OR13A1: variants seen among roughly 807,000 people sequenced by gnomAD.
OR13A1 encodes olfactory receptor 13A1.
A neutral mutation model predicts 7.5 loss-of-function variants in OR13A1; 10 were observed. The ratio of observed to expected loss-of-function variants is 1.34; its 90% CI spans 0.83 to 2.27. The LOEUF (loss-of-function observed/expected upper bound fraction) is 2.27, where lower values mean the gene tolerates loss of function less well. OR13A1 is among the 30% of genes most tolerant of loss of function. The pLI, the probability that OR13A1 is intolerant of heterozygous loss-of-function variation, is 0.00. For missense variants in OR13A1, 509 were observed against 419.1 expected (o/e 1.21, Z -1.87); for synonymous variants, 238 against 177.9 (o/e 1.34, Z -2.69).
intron 3 of OR13A1, among the ~76,000 whole-genome samples, chr10:45,306,071 T>G (rs1838322338): frequency 6.6e-6 from 1 of 152,128 alleles, no homozygotes; most frequent in Non-Finnish European, 1.5e-5. Flanking sequence ...ATGACTTATA[T>G]TCTTAAGTTA....
intron 1 of OR13A1, among the ~76,000 whole-genome samples, chr10:45,312,255 C>T (rs1036606941): frequency 2.0e-5 from 3 of 151,968 alleles, no homozygotes; most frequent in Non-Finnish European, 4.4e-5. Context: ...ACTTAATAAG[C>T]TCAATGAACC....
rs1396720543 is a variant in OR13A1 at position 45,303,736 on chromosome 10, G to A, written c.687C>T (p.Phe229=). The A allele has an allele frequency of 4.3e-6, 7 of 1,614,090 alleles. No homozygotes were observed. The highest frequency in any genetic ancestry group is 3.3e-5 in the Admixed American group (2 of 60,014). Residue 229 remains phenylalanine, a synonymous_variant, in exon 4 of 4, where the codon TTC becomes TTT. Coordinates refer to ENST00000553795, the MANE Select transcript of OR13A1 (RefSeq NM_001004297.3). ...LADAFYGIVN[F]LMTIASYGFI... The stretch of plus-strand genomic sequence containing the variant: ...AGCCATAGGACGCGATGGTCATCAG[G>A]AAGTTCACTATGCCGTAGAAAGCAT...
Position 45,303,988 on chromosome 10 carries a change from G to A in OR13A1, c.435C>T (p.Cys145=), listed in dbSNP as rs1299545078. ...TCATGCTGCTGTAATGCAGCGGGTG[G>A]CAGATGGCTGCGTACCGGTCATAGG... is the stretch of plus-strand genomic sequence containing the variant. ...VMAYDRYAAI[C]HPLHYSSMMS... The change falls in exon 4 of 4, where the codon TGC becomes TGT. Residue 145 remains cysteine, a synonymous_variant. Transcript: ENST00000553795. 7 of 1,612,498 alleles carry A rather than the reference G, an allele frequency of 4.3e-6. No individual in the cohort carries two copies. Among genetic ancestry groups the A allele is most frequent in the African/African-American group, 1.3e-5 (1 of 75,040 alleles).
rs1233759539 is a variant in OR13A1 at position 45,303,502 on chromosome 10, G to C, written c.921C>G (p.Ile307Met). 3.7e-6 allele frequency: 6 copies of C among 1,614,072 alleles called. No individual in the cohort carries two copies. Among genetic ancestry groups the C allele is most frequent in the Non-Finnish European group, 5.1e-6 (6 of 1,179,980 alleles). ...TVLSPTLNPL[I>M]YTLRNKEVKA... ...TGACCTCCTTGTTTCTCAAAGTATA[G>C]ATGAGGGGGTTGAGGGTAGGACTCA... The change falls in exon 4 of 4, where the codon ATC (isoleucine) becomes ATG (methionine). Residue 307 changes from isoleucine to methionine, a missense_variant. Transcript: ENST00000553795.
At chr10:45,307,226 G>A (rs1270181992) in intron 3 of OR13A1, among the ~76,000 whole-genome samples, 200 bp downstream of exon 3, 3 of 152,222 alleles carry the variant, frequency 2.0e-5, no homozygotes, top group Non-Finnish European at 4.4e-5. Flanking sequence ...AGTGTGCAGA[G>A]TCTGTCACGC....
intron 1 of OR13A1, among the ~76,000 whole-genome samples, chr10:45,310,404 A>G (rs1838420802): frequency 6.6e-6 from 1 of 152,172 alleles, no homozygotes; most frequent in African/African-American, 2.4e-5. Flanking sequence ...TCTTTACCAT[A>G]AAAGTTGCCA....
rs1323893038 is a variant in OR13A1 at position 45,304,417 on chromosome 10, C to A, written c.6G>T (p.Lys2Asn). The change falls in exon 4 of 4, where the codon AAG becomes AAT. Residue 2 changes from lysine (K) to asparagine (N), a missense_variant. Coordinates refer to ENST00000553795, the MANE Select transcript of OR13A1 (RefSeq NM_001004297.3). ...CTATCAGGTGACTCTCCATCCACAG[C>A]TTCATGTGATTTCAGAGCTAGAGAG... Reference protein sequence around the residue: MKLWMESHLIVP... With the variant: MNLWMESHLIVP... 3 of 1,610,984 alleles carry A rather than the reference C, an allele frequency of 1.9e-6. No homozygotes were observed. The highest frequency in any genetic ancestry group is 2.5e-6 in the Non-Finnish European group (3 of 1,178,592).
intron 1 of OR13A1, among the ~76,000 whole-genome samples, chr10:45,312,853 G>T (rs1257136854): frequency 6.6e-6 from 1 of 152,078 alleles, no homozygotes; most frequent in African/African-American, 2.4e-5. Flanking sequence ...GGAAAAATCA[G>T]CCTTTCCAGG....
intron 1 of OR13A1, among the ~76,000 whole-genome samples, chr10:45,311,320 T>C (rs902723926): frequency 3.3e-5 from 5 of 152,194 alleles, no homozygotes; most frequent in East Asian, 1.9e-4. Context: ...AGAAATACCA[T>C]TGTATCAGAG....
chr10:45,314,678 T>A (rs1325850086), intron 1 of OR13A1, among the ~76,000 whole-genome samples: 2 of 151,892 alleles, frequency 1.3e-5, no homozygotes, highest in East Asian at 1.9e-4. Context: ...TTAGCTAGAT[T>A]AACTAAGGAA....
At chr10:45,304,878 A>G (rs879355087) in intron 3 of OR13A1, among the ~76,000 whole-genome samples, 3 of 152,196 alleles carry the variant, frequency 2.0e-5, no homozygotes, top group Admixed American at 2.0e-4. Flanking sequence ...AAAACAATCT[A>G]TACCCTTAAA....
intron 1 of OR13A1, among the ~76,000 whole-genome samples, chr10:45,312,344 G>A (rs1838460562): frequency 6.6e-6 from 1 of 151,798 alleles, no homozygotes; most frequent in African/African-American, 2.4e-5. Flanking sequence ...CTTAAAAACA[G>A]GCAGAGTAAA....
At chr10:45,308,225 C>T (rs1394375944) in intron 1 of OR13A1, among the ~76,000 whole-genome samples, 1 of 152,190 alleles carries the variant, frequency 6.6e-6, no homozygotes, top group Non-Finnish European at 1.5e-5. Context: ...ATCTGAAAGA[C>T]ATTTTGAAGA....
chr10:45,304,565 GA>G, intron 3 of OR13A1, 131 bp from the exon 4 acceptor site: 1 of 728,466 alleles, frequency 1.4e-6, no homozygotes. Context: ...TATTACAGTA[GA>G]AAAAAGGCGT....
chr10:45,309,986 G>GA (rs759006161), intron 1 of OR13A1, among the ~76,000 whole-genome samples: 1 of 152,158 alleles, frequency 6.6e-6, no homozygotes, highest in Non-Finnish European at 1.5e-5. Flanking sequence ...GACTAAATAA[G>GA]ATGACGTACA....
At chr10:45,306,146 T>G (rs1307180638) in intron 3 of OR13A1, among the ~76,000 whole-genome samples, 1 of 152,208 alleles carries the variant, frequency 6.6e-6, no homozygotes, top group Non-Finnish European at 1.5e-5. Context: ...CCCTTTCAAC[T>G]CTTTATTCAT....
rs565581860 is a variant in OR13A1, at chr10:45,303,847, A to G, written c.576T>C (p.Ile192=). ...GAGGGACCTCGCAGAAGAAATGGATAATGACATTGGGGCCACAGAAATCCA... is the reference window on the plus strand; with the variant it reads ...GAGGGACCTCGCAGAAGAAATGGATGATGACATTGGGGCCACAGAAATCCA... ...LRLDFCGPNV[I]IHFFCEVPPL... Residue 192 remains isoleucine, a synonymous_variant, in exon 4 of 4, where the codon ATT becomes ATC. Transcript: ENST00000553795. The G allele has an allele frequency of 7.4e-6, 12 of 1,612,780 alleles. No homozygotes were observed. Among genetic ancestry groups the G allele is most frequent in the Admixed American group, 6.7e-5 (4 of 60,034 alleles).
chr10:45,314,779 C>T (rs1367376709), intron 1 of OR13A1, among the ~76,000 whole-genome samples: 1 of 152,104 alleles, frequency 6.6e-6, no homozygotes, highest in African/African-American at 2.4e-5. Context: ...ATACCATCAA[C>T]AGTTAATTAT....
intron 3 of OR13A1, among the ~76,000 whole-genome samples, chr10:45,306,732 AG>A (rs2133039626): frequency 6.6e-6 from 1 of 152,322 alleles, no homozygotes; most frequent in Non-Finnish European, 1.5e-5. Flanking sequence ...CAGAGCAATA[AG>A]GCTATATTAG....
Sources: gnomAD v4.1 joint callset for allele counts (sites outside exome capture counted in the v4.1 genomes callset) on GRCh38, gnomAD v4.1.1 for gene constraint, MANE v1.5 for transcripts, NCBI Gene and HGNC (gene_info 2026-07-23, HGNC 2026-07-21) for gene names.